The following LTBP1 variants were observed in gnomAD, a reference collection of about 807,000 sequenced individuals.
The protein encoded by LTBP1 is latent transforming growth factor beta binding protein 1, also known as latent-transforming growth factor beta-binding protein 1.
In LTBP1, 129 loss-of-function variants were observed where a neutral mutation model predicts 207.6. The observed-to-expected ratio is 0.62, with a 90% CI of 0.54 to 0.72. The LOEUF is 0.72. LTBP1 is among the 30% of genes least tolerant of loss of function. LTBP1 has a pLI of 0.00. For synonymous variants in LTBP1, 963 were observed against 833.7 expected (o/e 1.16, Z -2.67); for missense variants, 2,281 against 2,217.2 (o/e 1.03, Z -0.58).
At chr2:33,268,487 CAT>C (rs1007653432) in intron 15 of LTBP1, among the ~76,000 whole-genome samples, 11 of 152,174 alleles carry the variant, frequency 7.2e-5, no homozygotes, top group African/African-American at 2.7e-4. Flanking sequence ...CACACTTTGA[CAT>C]GTGATAATTA....
chr2:33,348,670 T>C (rs1573959089), intron 26 of LTBP1, among the ~76,000 whole-genome samples: 1 of 152,354 alleles, frequency 6.6e-6, no homozygotes, highest in Middle Eastern at 3.4e-3. Context: ...TTTGAATGAA[T>C]TAATTCATAT....
At chr2:33,161,029 T>C (rs1259304141) in intron 5 of LTBP1, among the ~76,000 whole-genome samples, 1 of 152,164 alleles carries the variant, frequency 6.6e-6, no homozygotes, top group African/African-American at 2.4e-5. Context: ...GGAGATAGCA[T>C]GGTAGACTTT....
chr2:33,115,840 C>T (rs557597239), intron 4 of LTBP1, among the ~76,000 whole-genome samples: 1 of 152,214 alleles, frequency 6.6e-6, no homozygotes, highest in South Asian at 2.1e-4. Flanking sequence ...ACCCAAGTAA[C>T]TCAGACAAAA....
At chr2:33,046,136 A>G (rs2076430636) in intron 3 of LTBP1, among the ~76,000 whole-genome samples, 2 of 152,306 alleles carry the variant, frequency 1.3e-5, no homozygotes, top group African/African-American at 4.8e-5. Context: ...ACTGGCCAGA[A>G]CTTCCAATAC....
chr2:33,185,157 C>A (rs1404551124), intron 5 of LTBP1, among the ~76,000 whole-genome samples: 1 of 152,150 alleles, frequency 6.6e-6, no homozygotes, highest in Non-Finnish European at 1.5e-5. Context: ...GAATTAAGTT[C>A]CATGTAGCTG....
chr2:33,079,869 T>C (rs2078298107), intron 3 of LTBP1, among the ~76,000 whole-genome samples: 1 of 152,260 alleles, frequency 6.6e-6, no homozygotes, highest in Non-Finnish European at 1.5e-5. Flanking sequence ...ACATACGTTC[T>C]TCTTAATCCA....
At chr2:33,292,318 G>A (rs2093789953) in intron 19 of LTBP1, among the ~76,000 whole-genome samples, 1 of 152,092 alleles carries the variant, frequency 6.6e-6, no homozygotes. Context: ...TTCTTTAACT[G>A]TTTCTATCAC....
At chr2:33,107,455 C>G (rs569012747) in intron 3 of LTBP1, among the ~76,000 whole-genome samples, 1 of 151,734 alleles carries the variant, frequency 6.6e-6, no homozygotes, top group African/African-American at 2.4e-5. Flanking sequence ...CTGTGTAGAA[C>G]AGGTCTGGAT....
chr2:33,058,473 T>C (rs192905440), intron 3 of LTBP1, among the ~76,000 whole-genome samples: 1 of 152,334 alleles, frequency 6.6e-6, no homozygotes, highest in East Asian at 1.9e-4. Context: ...TACCTTCCAC[T>C]GAATCAAAGA....
At chr2:33,142,826 T>C (rs1659266178) in intron 5 of LTBP1, among the ~76,000 whole-genome samples, 1 of 152,228 alleles carries the variant, frequency 6.6e-6, no homozygotes, top group South Asian at 2.1e-4. Flanking sequence ...ATGGGGCTCC[T>C]TGAAAGGGTT....
At chr2:32,961,192 A>T (rs1171807635) in intron 2 of LTBP1, among the ~76,000 whole-genome samples, 1 of 152,196 alleles carries the variant, frequency 6.6e-6, no homozygotes, top group African/African-American at 2.4e-5. Context: ...AATTATTCTC[A>T]TAGCCTGACC....
intron 4 of LTBP1, among the ~76,000 whole-genome samples, chr2:33,130,204 C>T (rs1239984716): frequency 2.0e-5 from 3 of 152,178 alleles, no homozygotes; most frequent in African/African-American, 7.2e-5. Flanking sequence ...CTCTCTCACA[C>T]CCTGAAGAGT....
chr2:32,991,477 A>C (rs1432294871), intron 2 of LTBP1, among the ~76,000 whole-genome samples: 1 of 152,250 alleles, frequency 6.6e-6, no homozygotes, highest in African/African-American at 2.4e-5. Context: ...TGTTTTAAAA[A>C]TCACACATAG....
intron 4 of LTBP1, among the ~76,000 whole-genome samples, chr2:33,119,125 A>G (rs893277561): frequency 6.6e-6 from 1 of 152,030 alleles, no homozygotes; most frequent in African/African-American, 2.4e-5. Flanking sequence ...ATTTTAAGAA[A>G]TCAATACTGT....
intron 31 of LTBP1, among the ~76,000 whole-genome samples, chr2:33,367,994 C>A (rs1281882927): frequency 6.6e-6 from 1 of 152,000 alleles, no homozygotes; most frequent in African/African-American, 2.4e-5. Flanking sequence ...GCGGGCGGAT[C>A]ATGAGGTCAG....
intron 24 of LTBP1, among the ~76,000 whole-genome samples, chr2:33,319,403 G>GA (rs375481134): frequency 0.018 from 2,571 of 144,830 alleles, 75 homozygotes; most frequent in African/African-American, 0.061. Context: ...CATCTCAAAA[G>GA]AAAAAAAAAA....
rs114861078 is a variant in LTBP1, at chr2:33,126,778, C to T, written c.1034-8015C>T. Among the ~76,000 whole-genome samples, 959 of 151,914 alleles carry T rather than the reference C, an allele frequency of 6.3e-3. 9 individuals carry two copies. Among genetic ancestry groups the T allele is most frequent in the African/African-American group, 0.022 (927 of 41,394 alleles). The stretch of plus-strand genomic sequence containing the variant: ...AGTCCCATAGGGGGAGTAGTTGGGG[C>T]CATTGGATGCAGTCATTTAAAAACT... On this transcript the variant is annotated intron_variant, in intron 4 of 33. Coordinates refer to ENST00000404816, the MANE Select transcript of LTBP1 (RefSeq NM_206943.4).
intron 7 of LTBP1, among the ~76,000 whole-genome samples, chr2:33,195,754 C>A (rs2088475241): frequency 6.6e-6 from 1 of 152,168 alleles, no homozygotes; most frequent in Non-Finnish European, 1.5e-5. Flanking sequence ...GCAGTTCTAG[C>A]ATGGGTCAAA....
intron 4 of LTBP1, among the ~76,000 whole-genome samples, chr2:33,117,704 G>A (rs561980760): frequency 7.2e-5 from 11 of 152,326 alleles, no homozygotes; most frequent in African/African-American, 2.4e-4. Context: ...CATGGGAGGT[G>A]TCCCTGGCGT....
Sources: allele counts gnomAD v4.1 joint callset (sites outside exome capture counted in the v4.1 genomes callset), GRCh38; gene constraint gnomAD v4.1.1; transcripts MANE v1.5; gene names NCBI Gene and HGNC (gene_info 2026-07-23, HGNC 2026-07-21).